Variants in UNC45B observed in about 807,000 individuals in gnomAD.
UNC45B encodes the protein unc-45 myosin chaperone B.
In UNC45B, 78 loss-of-function variants were observed where a neutral mutation model predicts 98.7. The observed-to-expected ratio is 0.79, with a 90% CI of 0.66 to 0.95. The LOEUF (loss-of-function observed/expected upper bound fraction) is 0.95, where lower values mean the gene tolerates loss of function less well. UNC45B is among the 40% of genes least tolerant of loss of function. The pLI, the probability that UNC45B is intolerant of heterozygous loss-of-function variation, is 0.00. For missense variants in UNC45B, 1,225 were observed against 1,184.9 expected (o/e 1.03, Z -0.50); for synonymous variants, 462 against 480.4 (o/e 0.96, Z 0.50).
intron 7 of UNC45B, among the ~76,000 whole-genome samples, chr17:35,158,856 T>G (rs928275594): frequency 1.3e-5 from 2 of 152,192 alleles, no homozygotes; most frequent in African/African-American, 4.8e-5. Flanking sequence ...AACAAAAATC[T>G]CTAAGTATCT....
chr17:35,186,149 G>A (rs2092301942), intron 19 of UNC45B, 150 bp from the exon 20 acceptor site: 4 of 1,028,722 alleles, frequency 3.9e-6, no homozygotes, highest in African/African-American at 1.6e-5. Context: ...ACATTCCTGT[G>A]ACAGCAACAT....
intron 16 of UNC45B, 149 bp downstream of exon 16, chr17:35,177,279 C>A (rs1597930938): frequency 6.2e-6 from 5 of 810,916 alleles, no homozygotes; most frequent in South Asian, 1.8e-5. Context: ...GGATTCCAGG[C>A]CTGGTTCTGC....
In UNC45B at chr17:35,171,357, C is replaced by G; in HGVS notation, c.1725C>G (p.Thr575=). ...SDKTILYSVA[T]TLVNCTNSYD... ...AGACCATCCTGTACTCGGTGGCCAC[C>G]ACCCTGGTGAACTGCACCAACAGCT... The change falls in exon 13 of 20, where the codon ACC becomes ACG. Residue 575 remains threonine (T), a synonymous_variant. Transcript: ENST00000394570. The G allele has an allele frequency of 1.2e-6, 2 of 1,614,244 alleles. No individual in the cohort carries two copies. Among genetic ancestry groups the G allele is most frequent in the Non-Finnish European group, 1.7e-6 (2 of 1,180,042 alleles).
intron 8 of UNC45B, among the ~76,000 whole-genome samples, chr17:35,162,188 A>G (rs1466954325): frequency 6.6e-6 from 1 of 152,128 alleles, no homozygotes; most frequent in Non-Finnish European, 1.5e-5. Flanking sequence ...GGTCATGGGA[A>G]TCTCTGATTT....
At chr17:35,178,782 T>G (rs2092253737) in intron 17 of UNC45B, among the ~76,000 whole-genome samples, 1 of 152,234 alleles carries the variant, frequency 6.6e-6, no homozygotes, top group African/African-American at 2.4e-5. Context: ...CCAGCACTAT[T>G]TATTAAATAG....
intron 14 of UNC45B, 100 bp downstream of exon 14, chr17:35,174,469 A>G: frequency 6.7e-7 from 1 of 1,500,864 alleles, no homozygotes; most frequent in East Asian, 2.3e-5. Flanking sequence ...GGGGGCCTAA[A>G]TGAGGAGATA....
chr17:35,150,829 ATC>A (rs575956686), intron 4 of UNC45B, among the ~76,000 whole-genome samples: 25 of 146,788 alleles, frequency 1.7e-4, no homozygotes, highest in Admixed American at 6.9e-5. Context: ...CTGCAACATG[ATC>A]TCTCTCTCTT....
intron 15 of UNC45B, 88 bp downstream of exon 15, chr17:35,176,122 C>A: frequency 7.4e-7 from 1 of 1,354,952 alleles, no homozygotes; most frequent in Non-Finnish European, 1.1e-6. Flanking sequence ...CCCAACTCGA[C>A]CTCCTGGAAT....
At chr17:35,152,854 C>T (rs761317807) in intron 4 of UNC45B, 39 bp from the exon 5 acceptor site, 1 of 1,532,192 alleles carries the variant, frequency 6.5e-7, no homozygotes, top group Non-Finnish European at 9.0e-7. Flanking sequence ...TGACGTGGAC[C>T]CCACCTGCCT....
chr17:35,185,466 C>G (rs1217959367), intron 19 of UNC45B, among the ~76,000 whole-genome samples: 1 of 152,008 alleles, frequency 6.6e-6, no homozygotes, highest in Non-Finnish European at 1.5e-5. Flanking sequence ...CACCACCATG[C>G]CTGGCTAATT....
chr17:35,164,035 T>C lies in UNC45B; in HGVS notation c.1020T>C (p.Asp340=), dbSNP rs200767716. Residue 340 remains aspartate, a synonymous_variant, in exon 9 of 20, where the codon GAT becomes GAC. Coordinates refer to ENST00000394570, the MANE Select transcript of UNC45B (RefSeq NM_001267052.2). ...TGAAGGTTGTGGGGCAGGTTCCAGA[T>C]CTGCCATCCTGCCTGCCCCTGACTG... ...KILKVVGQVP[D]LPSCLPLTDN... 1.4e-5 allele frequency: 23 copies of C among 1,613,958 alleles called. No individual in the cohort carries two copies. The highest frequency in any genetic ancestry group is 1.9e-5 in the Non-Finnish European group (22 of 1,179,936).
rs2092174305 is a variant in UNC45B, at chr17:35,170,232, C to A, written c.1666C>A (p.Gln556Lys). Residue 556 changes from glutamine (Q) to lysine (K), a missense_variant, in exon 12 of 20, where the codon CAG becomes AAG. Physicochemically the swap from Gln to Lys is moderately conservative, Grantham distance 53. Transcript: ENST00000394570. ...DDFVQDVPAL[Q>K]AMFELAKTSD... Reference sequence around the variant, plus strand: ...CTTTGTCCAGGACGTCCCTGCCCTGCAGGCCATGTTTGAGCTGGCCAAGGC... The same window carrying A: ...CTTTGTCCAGGACGTCCCTGCCCTGAAGGCCATGTTTGAGCTGGCCAAGGC... 3.1e-6 allele frequency: 5 copies of A among 1,611,764 alleles called. No homozygotes were observed. Among genetic ancestry groups the A allele is most frequent in the Non-Finnish European group, 4.2e-6 (5 of 1,178,386 alleles).
In UNC45B at chr17:35,150,067, G is replaced by T. The variant is rs770338951; in HGVS notation, c.225G>T (p.Ser75=). Reference sequence around the variant, plus strand: ...CGATAGCCATCGACATCAACTCCTCGGACATCAAGGCTCTGTATCGGCGAT... The same window carrying T: ...CGATAGCCATCGACATCAACTCCTCTGACATCAAGGCTCTGTATCGGCGAT... ...DASRAIDINS[S]DIKALYRRCQ... is the part of the protein sequence containing the mutation. Residue 75 remains serine (S), a synonymous_variant, in exon 4 of 20, where the codon TCG becomes TCT. Transcript: ENST00000394570. 1.2e-6 allele frequency: 2 copies of T among 1,607,896 alleles called. No individual in the cohort carries two copies. Among genetic ancestry groups the T allele is most frequent in the East Asian group, 2.2e-5 (1 of 44,596 alleles).
rs376987030 is a variant in UNC45B at position 35,155,346 on chromosome 17, G to A, written c.690G>A (p.Met230Ile). ...GGATAGACCGAATCTGTAGCCTCATGGCCGTGGAGAATGAGGAGATGTCTC... is the reference window on the plus strand; with the variant it reads ...GGATAGACCGAATCTGTAGCCTCATAGCCGTGGAGAATGAGGAGATGTCTC... Reference protein sequence around the residue: ...AVRIDRICSLMAVENEEMSLA... With the variant: ...AVRIDRICSLIAVENEEMSLA... The change falls in exon 7 of 20, where the codon ATG becomes ATA. Residue 230 changes from methionine (M) to isoleucine (I), a missense_variant. Coordinates refer to ENST00000394570, the MANE Select transcript of UNC45B (RefSeq NM_001267052.2). 7.4e-5 allele frequency: 119 copies of A among 1,614,100 alleles called. 4 individuals are homozygous for A. Among genetic ancestry groups the A allele is most frequent in the South Asian group, 5.6e-4 (51 of 91,092 alleles).
intron 5 of UNC45B, among the ~76,000 whole-genome samples, chr17:35,153,714 T>G (rs571955025): frequency 3.0e-4 from 46 of 151,818 alleles, no homozygotes; most frequent in Admixed American, 2.4e-3. Flanking sequence ...TTATTTGGTT[T>G]TTTTTTTTTT....
chr17:35,149,196 A>C (rs2091998654), intron 3 of UNC45B, among the ~76,000 whole-genome samples, 187 bp downstream of exon 3: 1 of 152,192 alleles, frequency 6.6e-6, no homozygotes, highest in Non-Finnish European at 1.5e-5. Context: ...TGCAATATTT[A>C]GCCCAGAAAA....
At chr17:35,182,723 C>G (rs987446908) in intron 18 of UNC45B, among the ~76,000 whole-genome samples, 3 of 152,078 alleles carry the variant, frequency 2.0e-5, no homozygotes, top group Non-Finnish European at 2.9e-5. Flanking sequence ...CAGGGAGATG[C>G]AGGTAGAGGG....
In UNC45B at chr17:35,188,751, G is replaced by A. The variant is rs891096607; in HGVS notation, c.*2192G>A. ...ATAGTCCAAGAAGATCTAGAGGAAA[G>A]CTGAATTCCTTCATCTGATTTTTGC... On this transcript the variant is annotated 3_prime_UTR_variant, in exon 20 of 20. Coordinates refer to ENST00000394570, the MANE Select transcript of UNC45B (RefSeq NM_001267052.2). 1 of 152,160 alleles carries A rather than the reference G, an allele frequency of 6.6e-6. No homozygotes were observed. Among genetic ancestry groups the A allele is most frequent in the East Asian group, 1.9e-4 (1 of 5,206 alleles). The allele number at this position is 152,160 out of a possible 1,614,324, so 9.4% of individuals were successfully genotyped here.
chr17:35,175,072 A>G (rs1245885635), intron 14 of UNC45B, among the ~76,000 whole-genome samples: 2 of 120,808 alleles, frequency 1.7e-5, no homozygotes, highest in Non-Finnish European at 3.7e-5. Flanking sequence ...AGAAAGAAAG[A>G]AAGAAAGAAA....
Sources: allele counts gnomAD v4.1 joint callset (sites outside exome capture counted in the v4.1 genomes callset), GRCh38; gene constraint gnomAD v4.1.1; transcripts MANE v1.5; gene names NCBI Gene and HGNC (gene_info 2026-07-23, HGNC 2026-07-21).